Variants in FMN1 observed in about 807,000 individuals in gnomAD.
FMN1 encodes the protein formin-1.
FMN1 carries 110 observed loss-of-function variants against 132.4 expected under a neutral mutation model. That is an observed-to-expected ratio of 0.83 (90% CI 0.71 to 0.97). The LOEUF (loss-of-function observed/expected upper bound fraction) is 0.97. FMN1 is among the 50% of genes least tolerant of loss of function. The probability of loss-of-function intolerance (pLI) is 0.00; values close to 1 mark genes in which losing one functional copy is unlikely to be tolerated. For missense variants in FMN1, 1,792 were observed against 1,705.3 expected, an observed-to-expected ratio of 1.05 and a Z score of -0.90; for synonymous variants, 722 against 651.7, an observed-to-expected ratio of 1.11 and a Z score of -1.64.
chr15:33,070,673 T>C (rs35953025), intron 5 of FMN1, among the ~76,000 whole-genome samples: 20,588 of 152,002 alleles, frequency 0.14, 1,652 homozygotes, highest in Middle Eastern at 0.21. Flanking sequence ...AAGTAAGGTA[T>C]TATTAGGCCC....
intron 5 of FMN1, among the ~76,000 whole-genome samples, chr15:33,088,438 T>C (rs2038784464): frequency 1.3e-5 from 2 of 152,232 alleles, no homozygotes; most frequent in Admixed American, 6.5e-5. Context: ...AGCATATCAG[T>C]TGGCTTTACA....
rs1157986012 is a variant in FMN1 at position 33,065,223 on chromosome 15, G to C, written c.2044-149C>G. The C allele has an allele frequency of 4.0e-5, 20 of 505,794 alleles. No individual in the cohort carries two copies. In the East Asian group the frequency reaches 6.3e-4, roughly 16 times the overall value. The allele number at this position is 505,794 out of a possible 1,614,324, so 31.3% of individuals were successfully genotyped here. On this transcript the variant is annotated intron_variant, in intron 5 of 20. Coordinates refer to ENST00000616417, the MANE Select transcript of FMN1 (RefSeq NM_001277313.2). ...ACTATAATTCAGATATCTCACTATAGTGTGACCCTTTTCCAGAAGTGTAAC... is the reference window on the plus strand; with the variant it reads ...ACTATAATTCAGATATCTCACTATACTGTGACCCTTTTCCAGAAGTGTAAC...
chr15:32,945,999 T>C (rs1596323258), intron 9 of FMN1, among the ~76,000 whole-genome samples: 1 of 152,182 alleles, frequency 6.6e-6, no homozygotes, highest in Non-Finnish European at 1.5e-5. Flanking sequence ...TAACAGCTGC[T>C]GATATGTAAG....
intron 19 of FMN1, among the ~76,000 whole-genome samples, chr15:32,777,782 TACATTTATATATTATGTATA>T (rs1444913356): frequency 8.1e-6 from 1 of 122,994 alleles, no homozygotes; most frequent in African/African-American, 3.3e-5. Flanking sequence ...CTATGTATAA[TACATTTATATATTATGTATA>T]ATATAATACA....
intron 5 of FMN1, among the ~76,000 whole-genome samples, chr15:33,078,858 T>C (rs1325484727): frequency 1.3e-5 from 2 of 152,120 alleles, no homozygotes; most frequent in Admixed American, 6.5e-5. Flanking sequence ...ATGACGTACG[T>C]AGCAAGAGAC....
At chr15:32,922,134 T>A (rs2060842694) in intron 10 of FMN1, among the ~76,000 whole-genome samples, 1 of 152,168 alleles carries the variant, frequency 6.6e-6, no homozygotes, top group Non-Finnish European at 1.5e-5. Flanking sequence ...TCTCCCACCA[T>A]CCTGGGTGTG....
At chr15:33,047,665 G>A (rs1456694069) in intron 6 of FMN1, among the ~76,000 whole-genome samples, 1 of 152,058 alleles carries the variant, frequency 6.6e-6, no homozygotes, top group African/African-American at 2.4e-5. Flanking sequence ...AGTTATCAAG[G>A]GTATCAGGAA....
chr15:32,806,982 A>G (rs957836105), intron 17 of FMN1, among the ~76,000 whole-genome samples: 2 of 152,146 alleles, frequency 1.3e-5, no homozygotes, highest in African/African-American at 4.8e-5. Context: ...GCAACAACTG[A>G]ATGTAAGCTC....
At chr15:32,798,263 T>A (rs1381133338) in intron 19 of FMN1, among the ~76,000 whole-genome samples, 1 of 151,076 alleles carries the variant, frequency 6.6e-6, no homozygotes, top group East Asian at 1.9e-4. Context: ...CCCCAGCTAA[T>A]AAAATCGGGG....
intron 17 of FMN1, among the ~76,000 whole-genome samples, chr15:32,855,180 A>G (rs2059101944): frequency 6.7e-6 from 1 of 148,664 alleles, no homozygotes; most frequent in Non-Finnish European, 1.5e-5. Context: ...AAAAAAAAAA[A>G]AAGAAAAAAG....
chr15:32,818,932 A>G (rs2058131026), intron 17 of FMN1, among the ~76,000 whole-genome samples: 1 of 151,860 alleles, frequency 6.6e-6, no homozygotes, highest in Admixed American at 6.6e-5. Context: ...AGAAAGTAAA[A>G]AAAAAAAAAA....
chr15:32,797,559 T>G (rs533010753), intron 19 of FMN1, among the ~76,000 whole-genome samples: 2 of 152,196 alleles, frequency 1.3e-5, no homozygotes, highest in African/African-American at 2.4e-5. Flanking sequence ...TTTTTTTTCA[T>G]GTTATTATCA....
intron 6 of FMN1, among the ~76,000 whole-genome samples, chr15:33,048,679 A>G (rs61999968): frequency 0.15 from 20,366 of 137,444 alleles, 1,732 homozygotes; most frequent in Middle Eastern, 0.26. Flanking sequence ...ACAGTTCCAC[A>G]TGGCTGAGAA....
At chr15:33,151,524 G>T in intron 4 of FMN1, 1 of 721,108 alleles carries the variant, frequency 1.4e-6, no homozygotes, top group Non-Finnish European at 2.2e-6. Flanking sequence ...CCTTGATCCA[G>T]ATACACTGGA....
At chr15:32,859,436 C>T (rs1036219771) in intron 16 of FMN1, among the ~76,000 whole-genome samples, 1 of 152,198 alleles carries the variant, frequency 6.6e-6, no homozygotes, top group Non-Finnish European at 1.5e-5. Context: ...ATTCCCAGTT[C>T]CATGTCTTCA....
chr15:32,985,377 A>T (rs2033000593), intron 7 of FMN1, among the ~76,000 whole-genome samples: 1 of 152,076 alleles, frequency 6.6e-6, no homozygotes, highest in African/African-American at 2.4e-5. Flanking sequence ...TCTTTTAAAT[A>T]TGTCAACTTT....
intron 17 of FMN1, among the ~76,000 whole-genome samples, chr15:32,830,809 A>G (rs16959250): frequency 0.22 from 33,503 of 152,118 alleles, 4,060 homozygotes; most frequent in East Asian, 0.51. Flanking sequence ...GAAAGGTGGA[A>G]ATCAATTAGG....
intron 6 of FMN1, among the ~76,000 whole-genome samples, chr15:33,018,497 G>A (rs545483883): frequency 2.0e-5 from 3 of 152,274 alleles, no homozygotes; most frequent in Admixed American, 6.5e-5. Flanking sequence ...GAGAACCCAA[G>A]AGGACTGGGT....
chr15:33,069,061 A>G (rs970191517), intron 5 of FMN1, among the ~76,000 whole-genome samples: 1 of 152,204 alleles, frequency 6.6e-6, no homozygotes, highest in African/African-American at 2.4e-5. Flanking sequence ...AAGATCCCCA[A>G]GGATCCACGT....
Sources: allele counts gnomAD v4.1 joint callset (sites outside exome capture counted in the v4.1 genomes callset), GRCh38; gene constraint gnomAD v4.1.1; transcripts MANE v1.5; gene names NCBI Gene and HGNC (gene_info 2026-07-23, HGNC 2026-07-21).